HSD17B12: variants seen among roughly 807,000 people sequenced by gnomAD.
HSD17B12 encodes the protein very-long-chain 3-oxoacyl-CoA reductase.
In HSD17B12, 32 loss-of-function variants were observed where a neutral mutation model predicts 39.3. That is an observed-to-expected ratio of 0.81 (90% CI 0.61 to 1.09). The LOEUF (loss-of-function observed/expected upper bound fraction) is 1.09, where lower values mean the gene tolerates loss of function less well. Among genes scored for constraint, HSD17B12 ranks in the 50% least tolerant of loss-of-function variants. The probability of loss-of-function intolerance (pLI) is 0.00; values close to 1 mark genes in which losing one functional copy is unlikely to be tolerated. For missense variants in HSD17B12, 342 were observed against 382.9 expected, an observed-to-expected ratio of 0.89 and a Z score of 0.89; for synonymous variants, 150 against 146.7, an observed-to-expected ratio of 1.02 and a Z score of -0.16.
the HSD17B12 span, among the ~76,000 whole-genome samples, chr11:43,590,902 G>A: frequency 8.0e-5 from 12 of 149,692 alleles, no homozygotes; most frequent in African/African-American, 3.0e-4. Flanking sequence ...ACAGGTGGGT[G>A]TTCTATGAAC....
chr11:43,588,970 T>C, the HSD17B12 span, among the ~76,000 whole-genome samples: 1 of 130,718 alleles, frequency 7.7e-6, no homozygotes, highest in African/African-American at 2.8e-5. Context: ...CAAATCACTC[T>C]TTTTGCCTTT....
the HSD17B12 span, among the ~76,000 whole-genome samples, chr11:43,586,680 T>C: frequency 6.6e-6 from 1 of 152,206 alleles, no homozygotes; most frequent in African/African-American, 2.4e-5. Context: ...CTGCTTGGCC[T>C]GGTCAGTTTT....
At chr11:43,754,661 T>C (rs1363943829) in intron 3 of HSD17B12, among the ~76,000 whole-genome samples, 1 of 152,232 alleles carries the variant, frequency 6.6e-6, no homozygotes, top group Non-Finnish European at 1.5e-5. Context: ...TAATTTATTT[T>C]TGTCTTGTCA....
At chr11:43,654,385 A>G in the HSD17B12 span, among the ~76,000 whole-genome samples, 1 of 152,064 alleles carries the variant, frequency 6.6e-6, no homozygotes, top group Admixed American at 6.5e-5. Flanking sequence ...GCTGTGCAGA[A>G]GCTCTTTAGT....
chr11:43,849,791 A>G (rs1287034829), intron 9 of HSD17B12, among the ~76,000 whole-genome samples: 4 of 152,202 alleles, frequency 2.6e-5, no homozygotes, highest in African/African-American at 9.7e-5. Flanking sequence ...TAAGCTCTGT[A>G]AGATTAGGGA....
chr11:43,693,370 T>A lies in HSD17B12; in HGVS notation c.160+12383T>A, dbSNP rs573729066. 3.3e-5 allele frequency among the ~76,000 whole-genome samples: 5 copies of A among 152,152 alleles called. No individual in the cohort carries two copies. In the South Asian group the frequency reaches 1.0e-3, roughly 32 times the overall value. ...GGACATCATCACACATTCCTGAAAC[T>A]GGTATGAGGCAAGAAACAGTCCTCT... On this transcript the variant is annotated intron_variant, in intron 1 of 10. Transcript: ENST00000278353.
the HSD17B12 span, among the ~76,000 whole-genome samples, chr11:43,631,011 G>C: frequency 6.6e-6 from 1 of 152,032 alleles, no homozygotes; most frequent in Non-Finnish European, 1.5e-5. Flanking sequence ...TGCCATGTTG[G>C]TCAGGCTGGT....
At chr11:43,675,820 T>A (rs986835653), upstream of HSD17B12, among the ~76,000 whole-genome samples, 1 of 152,118 alleles carries the variant, frequency 6.6e-6, no homozygotes, top group East Asian at 1.9e-4. Flanking sequence ...AAGAAAAGAA[T>A]CAAGGTTCAG....
intron 1 of HSD17B12, among the ~76,000 whole-genome samples, chr11:43,731,341 T>C (rs1950265528): frequency 6.6e-6 from 1 of 152,186 alleles, no homozygotes; most frequent in Non-Finnish European, 1.5e-5. Flanking sequence ...AGTCAAATAA[T>C]CTACATTAGA....
chr11:43,703,878 T>C (rs968922034), intron 1 of HSD17B12, among the ~76,000 whole-genome samples: 3 of 152,314 alleles, frequency 2.0e-5, no homozygotes, highest in East Asian at 3.9e-4. Context: ...TGATCTTTTG[T>C]ATTTTTTTTC....
intron 7 of HSD17B12, chr11:43,833,333 T>C (rs1187398865): frequency 6.6e-6 from 1 of 152,106 alleles, no homozygotes; most frequent in African/African-American, 2.4e-5. Flanking sequence ...GGTTTACTTT[T>C]CCCTCCCCTC....
chr11:43,785,977 TG>T (rs1466128808), intron 3 of HSD17B12, among the ~76,000 whole-genome samples: 1 of 152,208 alleles, frequency 6.6e-6, no homozygotes, highest in Non-Finnish European at 1.5e-5. Context: ...CTTAAGCTGA[TG>T]GGGGTGGATA....
intron 1 of HSD17B12, among the ~76,000 whole-genome samples, chr11:43,732,006 C>A (rs900922728): frequency 6.6e-6 from 1 of 152,098 alleles, no homozygotes; most frequent in Non-Finnish European, 1.5e-5. Context: ...CTGTGTCCCC[C>A]CTGACCTAAG....
intron 3 of HSD17B12, among the ~76,000 whole-genome samples, chr11:43,788,213 TG>T (rs750000377): frequency 2.6e-5 from 4 of 152,160 alleles, no homozygotes; most frequent in Non-Finnish European, 2.9e-5. Context: ...CAAATCTTCT[TG>T]GTAGTCATTT....
chr11:43,677,989 A>C (rs550033906), upstream of HSD17B12, among the ~76,000 whole-genome samples: 12 of 152,308 alleles, frequency 7.9e-5, no homozygotes, highest in African/African-American at 2.9e-4. Context: ...CTGGTTCTAG[A>C]TCCTTGAGGA....
At chr11:43,662,376 T>TG in the HSD17B12 span, among the ~76,000 whole-genome samples, 8 of 128,388 alleles carry the variant, frequency 6.2e-5, no homozygotes, top group South Asian at 2.6e-4. Flanking sequence ...TTTTATTTTA[T>TG]TTGTGTGTGT....
chr11:43,788,054 T>C (rs1950832305), intron 3 of HSD17B12, among the ~76,000 whole-genome samples: 1 of 152,242 alleles, frequency 6.6e-6, no homozygotes. Context: ...TACTGTGTGA[T>C]ATTTGACTTC....
In HSD17B12 at chr11:43,824,530, C is replaced by T. The variant is rs533488496; in HGVS notation, c.502-6446C>T. ...CCCCATTCTTCATAGATGGAGCCTT[C>T]TTGCCATGTCCTCATGTGGCAGAAG... is the stretch of plus-strand genomic sequence containing the variant. On this transcript the variant is annotated intron_variant, in intron 6 of 10. Transcript: ENST00000278353. Among the ~76,000 whole-genome samples the T allele has an allele frequency of 2.6e-5, 4 of 152,304 alleles. No homozygotes were observed. The South Asian group carries it at 6.2e-4, about 24-fold the overall frequency.
chr11:43,672,153 A>G, the HSD17B12 span, among the ~76,000 whole-genome samples: 3 of 152,074 alleles, frequency 2.0e-5, no homozygotes, highest in South Asian at 2.1e-4. Flanking sequence ...GGTTCACGCC[A>G]TTCTCCTGCC....
Sources: gnomAD v4.1 joint callset for allele counts (sites outside exome capture counted in the v4.1 genomes callset) on GRCh38, gnomAD v4.1.1 for gene constraint, MANE v1.5 for transcripts, NCBI Gene and HGNC (gene_info 2026-07-23, HGNC 2026-07-21) for gene names.